ZNF536: variants seen among roughly 807,000 people sequenced by gnomAD.
ZNF536 encodes the protein zinc finger protein 536.
In ZNF536, 13 loss-of-function variants were observed where a neutral mutation model predicts 84.5. The ratio of observed to expected loss-of-function variants is 0.15; its 90% CI spans 0.10 to 0.24. The LOEUF is 0.24. Among genes scored for constraint, ZNF536 ranks in the 10% least tolerant of loss-of-function variants. ZNF536 has a pLI of 1.00. For synonymous variants in ZNF536, 811 were observed against 742.5 expected (o/e 1.09, Z -1.50); for missense variants, 1,536 against 1,747.5 (o/e 0.88, Z 2.16).
intron 2 of ZNF536, among the ~76,000 whole-genome samples, chr19:30,294,799 T>C (rs2045948049): frequency 6.6e-6 from 1 of 152,148 alleles, no homozygotes; most frequent in Non-Finnish European, 1.5e-5. Flanking sequence ...CTCCTCCCTC[T>C]ACTCCTACAG....
chr19:30,690,486 A>G (rs976472858), intron 1 of ZNF536, among the ~76,000 whole-genome samples: 17 of 152,152 alleles, frequency 1.1e-4, no homozygotes, highest in Non-Finnish European at 2.2e-4. Context: ...CTATTTTGAG[A>G]CTCAGGAAAG....
intron 1 of ZNF536, among the ~76,000 whole-genome samples, chr19:30,635,693 C>G (rs2049040289): frequency 6.6e-6 from 1 of 152,206 alleles, no homozygotes; most frequent in South Asian, 2.1e-4. Flanking sequence ...ATTGGAGGAG[C>G]AGCTGCCCTC....
chr19:30,440,229 G>T (rs1452888166), intron 1 of ZNF536, among the ~76,000 whole-genome samples: 1 of 151,880 alleles, frequency 6.6e-6, no homozygotes, highest in Non-Finnish European at 1.5e-5. Context: ...CCAAAGTGCT[G>T]GGATTACAGG....
chr19:30,367,252 C>T (rs1198661203), intron 3 of ZNF536, among the ~76,000 whole-genome samples: 1 of 152,116 alleles, frequency 6.6e-6, no homozygotes, highest in Non-Finnish European at 1.5e-5. Context: ...GGGAGGGGAG[C>T]GTGCCGTGGT....
chr19:30,355,006 C>T (rs2146775601), intron 3 of ZNF536, among the ~76,000 whole-genome samples: 1 of 152,326 alleles, frequency 6.6e-6, no homozygotes, highest in African/African-American at 2.4e-5. Flanking sequence ...CGATTCTTTG[C>T]ACTAGACACT....
At chr19:30,432,565 C>T (rs1568422401) in intron 1 of ZNF536, among the ~76,000 whole-genome samples, 1 of 152,080 alleles carries the variant, frequency 6.6e-6, no homozygotes, top group East Asian at 1.9e-4. Flanking sequence ...TACTTTTTCA[C>T]CATTAAAAAG....
intron 1 of ZNF536, among the ~76,000 whole-genome samples, chr19:30,698,927 G>A (rs931651768): frequency 2.4e-4 from 36 of 152,142 alleles, no homozygotes; most frequent in African/African-American, 7.7e-4. Context: ...CCTTCCCCCT[G>A]TATTTATTGA....
intron 2 of ZNF536, among the ~76,000 whole-genome samples, chr19:30,459,156 G>A (rs992742703): frequency 4.6e-5 from 7 of 152,000 alleles, no homozygotes; most frequent in South Asian, 2.1e-4. Flanking sequence ...TTATTTCTAC[G>A]CTATACAATA....
intron 1 of ZNF536, among the ~76,000 whole-genome samples, chr19:30,274,231 C>T (rs2026005582): frequency 6.6e-6 from 1 of 152,220 alleles, no homozygotes; most frequent in Non-Finnish European, 1.5e-5. Context: ...CTTTGGAAAA[C>T]AAGCAAATTT....
chr19:30,698,308 T>TTTGC (rs1271673236), intron 1 of ZNF536, among the ~76,000 whole-genome samples: 2 of 151,506 alleles, frequency 1.3e-5, no homozygotes, highest in East Asian at 3.9e-4. Flanking sequence ...AAAAAAAAAG[T>TTTGC]TTGCATAGAT....
chr19:30,712,947 T>TAAAAAAAAAAAA (rs1568700392), exon 2 of ZNF536: 1 of 96,326 alleles, frequency 1.0e-5, no homozygotes, highest in South Asian at 3.1e-4. Flanking sequence ...AAAAAAAACA[T>TAAAAAAAAAAAA]AAAAAAAAAA....
chr19:30,463,171 T>C (rs941376267), intron 2 of ZNF536, among the ~76,000 whole-genome samples: 1 of 152,156 alleles, frequency 6.6e-6, no homozygotes, highest in Non-Finnish European at 1.5e-5. Context: ...TTGCATATCA[T>C]GATGGCTTAT....
chr19:30,638,484 G>A (rs547000959), intron 1 of ZNF536, among the ~76,000 whole-genome samples: 64 of 152,288 alleles, frequency 4.2e-4, no homozygotes, highest in African/African-American at 1.5e-3. Context: ...AGGAGGAAGC[G>A]TGAGAGGGGG....
chr19:30,539,808 G>A (rs2045255967), intron 3 of ZNF536, among the ~76,000 whole-genome samples: 1 of 152,144 alleles, frequency 6.6e-6, no homozygotes, highest in African/African-American at 2.4e-5. Context: ...CCCCCTGGTG[G>A]GTGAGCACCT....
At chr19:30,561,367 A>C (rs4805579), downstream of ZNF536, among the ~76,000 whole-genome samples, 1 of 151,910 alleles carries the variant, frequency 6.6e-6, no homozygotes, top group African/African-American at 2.4e-5. Context: ...CAGTGGCCCC[A>C]GTGGATAATT....
intron 1 of ZNF536, among the ~76,000 whole-genome samples, chr19:30,254,821 A>G (rs962019083): frequency 1.3e-5 from 2 of 152,212 alleles, no homozygotes; most frequent in Non-Finnish European, 2.9e-5. Flanking sequence ...AATAATTTTC[A>G]TCATCAGCTG....
At chr19:30,502,091 T>G (rs887271327) in intron 2 of ZNF536, among the ~76,000 whole-genome samples, 1 of 152,202 alleles carries the variant, frequency 6.6e-6, no homozygotes, top group Non-Finnish European at 1.5e-5. Flanking sequence ...ATGGACGAAG[T>G]TGACATACCC....
intron 1 of ZNF536, among the ~76,000 whole-genome samples, chr19:30,677,350 G>A (rs2147787249): frequency 6.6e-6 from 1 of 152,344 alleles, no homozygotes; most frequent in Middle Eastern, 3.4e-3. Flanking sequence ...TGCAGGCATT[G>A]GAGTTGGCCC....
intron 1 of ZNF536, among the ~76,000 whole-genome samples, chr19:30,261,468 G>A (rs913729818): frequency 2.7e-5 from 4 of 150,364 alleles, no homozygotes; most frequent in African/African-American, 7.5e-5. Flanking sequence ...GGGAGGCTGA[G>A]GTCAGAGGAT....
Sources: allele counts gnomAD v4.1 joint callset (sites outside exome capture counted in the v4.1 genomes callset), GRCh38; gene constraint gnomAD v4.1.1; transcripts MANE v1.5; gene names NCBI Gene and HGNC (gene_info 2026-07-23, HGNC 2026-07-21).